Variants in ZMAT4 observed in about 807,000 individuals in gnomAD.
ZMAT4 encodes zinc finger matrin-type protein 4.
A neutral mutation model predicts 28.7 loss-of-function variants in ZMAT4; 17 were observed. That is an observed-to-expected ratio of 0.59 (90% confidence interval 0.41 to 0.89). The LOEUF is 0.89. ZMAT4 is among the 40% of genes least tolerant of loss of function. The pLI is 0.00. For missense variants in ZMAT4, 240 were observed against 283.8 expected, an observed-to-expected ratio of 0.85 and a Z score of 1.11; for synonymous variants, 117 against 109.2, an observed-to-expected ratio of 1.07 and a Z score of -0.44.
At chr8:40,563,684 A>G (rs374242893) in intron 6 of ZMAT4, among the ~76,000 whole-genome samples, 6 of 152,160 alleles carry the variant, frequency 3.9e-5, no homozygotes, top group African/African-American at 1.4e-4. Context: ...ATTATTCCAC[A>G]TGCATGATTC....
intron 3 of ZMAT4, among the ~76,000 whole-genome samples, chr8:40,726,112 G>A (rs1294245404): frequency 3.3e-5 from 5 of 152,154 alleles, no homozygotes; most frequent in Non-Finnish European, 7.3e-5. Flanking sequence ...AAATATGACA[G>A]GCTGGCACTT....
chr8:40,698,720 T>C (rs1810001515), intron 3 of ZMAT4, among the ~76,000 whole-genome samples: 1 of 152,236 alleles, frequency 6.6e-6, no homozygotes, highest in Non-Finnish European at 1.5e-5. Flanking sequence ...CCTTCCTCCT[T>C]AAGACATTAG....
intron 5 of ZMAT4, among the ~76,000 whole-genome samples, chr8:40,592,991 T>C (rs925637751): frequency 6.6e-6 from 1 of 152,212 alleles, no homozygotes; most frequent in African/African-American, 2.4e-5. Context: ...ATCTATTCCT[T>C]TGAAGTGTAC....
intron 2 of ZMAT4, among the ~76,000 whole-genome samples, chr8:40,811,656 C>T (rs1000467025): frequency 6.6e-6 from 1 of 152,066 alleles, no homozygotes; most frequent in Non-Finnish European, 1.5e-5. Context: ...AACTACCCAT[C>T]CCTGAAGGAA....
At chr8:40,650,336 T>C (rs1242298087) in intron 5 of ZMAT4, among the ~76,000 whole-genome samples, 2 of 149,934 alleles carry the variant, frequency 1.3e-5, no homozygotes. Flanking sequence ...AAGAAATGGA[T>C]AAATTCCTCG....
At chr8:40,645,871 A>C (rs1214324045) in intron 5 of ZMAT4, among the ~76,000 whole-genome samples, 1 of 152,140 alleles carries the variant, frequency 6.6e-6, no homozygotes, top group Admixed American at 6.5e-5. Context: ...AGTAATATGT[A>C]TATATAATGT....
chr8:40,679,502 C>T (rs1264224194), intron 4 of ZMAT4, among the ~76,000 whole-genome samples: 1 of 152,154 alleles, frequency 6.6e-6, no homozygotes, highest in Non-Finnish European at 1.5e-5. Flanking sequence ...ACACGTCCTT[C>T]TTCACATGGC....
chr8:40,780,851 CA>C (rs1237143089), intron 2 of ZMAT4, among the ~76,000 whole-genome samples: 1 of 152,138 alleles, frequency 6.6e-6, no homozygotes, highest in Non-Finnish European at 1.5e-5. Context: ...CCTCTCATGA[CA>C]AAAACACTCA....
At chr8:40,538,339 G>A (rs547304221) in intron 6 of ZMAT4, among the ~76,000 whole-genome samples, 12 of 152,110 alleles carry the variant, frequency 7.9e-5, no homozygotes, top group Middle Eastern at 3.4e-3. Flanking sequence ...GGAAGCCTCC[G>A]AACCCCGCTT....
chr8:40,576,200 G>A (rs1804257375), intron 6 of ZMAT4, among the ~76,000 whole-genome samples: 1 of 152,044 alleles, frequency 6.6e-6, no homozygotes, highest in South Asian at 2.1e-4. Context: ...TTTGTGCTAT[G>A]GGAGTTCAAG....
At chr8:40,817,530 G>T (rs971252239) in intron 2 of ZMAT4, among the ~76,000 whole-genome samples, 10 of 152,218 alleles carry the variant, frequency 6.6e-5, no homozygotes, top group Admixed American at 2.0e-4. Context: ...GTGTCGCCCT[G>T]CAGGATACTA....
At chr8:40,559,349 A>G (rs1803654218) in intron 6 of ZMAT4, among the ~76,000 whole-genome samples, 2 of 152,202 alleles carry the variant, frequency 1.3e-5, no homozygotes, top group South Asian at 4.1e-4. Context: ...CTCAAAGCGA[A>G]CATGGGACAC....
rs146968974 is a variant in ZMAT4, at chr8:40,875,972, A to C, written c.-5+21711T>G. Among the ~76,000 whole-genome samples the C allele has an allele frequency of 4.6e-5, 7 of 152,322 alleles. No homozygotes were observed. In the East Asian group the frequency reaches 1.3e-3, roughly 29 times the overall value. On this transcript the variant is annotated intron_variant, in intron 1 of 6. Transcript: ENST00000297737. Reference sequence around the variant, plus strand: ...AAATGGCTATTAACCCACTAGACCAAGGGTGGCGACAGGCTGTTCTCCACC... The same window carrying C: ...AAATGGCTATTAACCCACTAGACCACGGGTGGCGACAGGCTGTTCTCCACC...
chr8:40,587,986 G>C (rs1007171640), intron 5 of ZMAT4, among the ~76,000 whole-genome samples: 6 of 151,964 alleles, frequency 3.9e-5, no homozygotes, highest in Non-Finnish European at 8.8e-5. Context: ...GTCATGACAA[G>C]ATGTTTTTAC....
intron 5 of ZMAT4, among the ~76,000 whole-genome samples, chr8:40,647,777 C>G (rs936822510): frequency 3.0e-4 from 45 of 151,222 alleles, no homozygotes; most frequent in African/African-American, 1.1e-3. Context: ...CCCTGACCCC[C>G]GAGCAGCCTA....
intron 5 of ZMAT4, among the ~76,000 whole-genome samples, chr8:40,661,065 A>G (rs1035830696): frequency 2.8e-4 from 43 of 152,188 alleles, no homozygotes; most frequent in African/African-American, 1.0e-3. Context: ...GACAGTAAAC[A>G]GATACATCAA....
Position 40,667,049 on chromosome 8 carries a change from C to CAAAAGAAATG in ZMAT4, c.577+7645_577+7654dup, listed in dbSNP as rs148390119. The stretch of plus-strand genomic sequence containing the variant: ...CTGCACGCATGGCGCCATTTGTAGT[C>CAAAAGAAATG]AAAAGAAATGTAAAGAAATGTAAAG... On this transcript the variant is annotated intron_variant, in intron 5 of 6. Coordinates refer to ENST00000297737, the MANE Select transcript of ZMAT4 (RefSeq NM_024645.3). 4.7e-4 allele frequency among the ~76,000 whole-genome samples: 72 copies of CAAAAGAAATG among 151,810 alleles called. No homozygotes were observed. In the East Asian group the frequency reaches 0.014, roughly 29 times the overall value.
In ZMAT4 at chr8:40,788,400, T is replaced by C. The variant is rs1814174965; in HGVS notation, c.103-20670A>G. Reference sequence around the variant, plus strand: ...GAGATCGAGATCATCCTGGCTAACATGGCGAAACCCTGTCTCTACTAAAAA... The same window carrying C: ...GAGATCGAGATCATCCTGGCTAACACGGCGAAACCCTGTCTCTACTAAAAA... On this transcript the variant is annotated intron_variant, in intron 2 of 6. Transcript: ENST00000297737. Among the ~76,000 whole-genome samples the C allele has an allele frequency of 2.6e-5, 4 of 152,056 alleles. No individual in the cohort carries two copies. The South Asian group carries it at 8.3e-4, about 32-fold the overall frequency.
At chr8:40,575,073 G>A (rs1315574836) in intron 6 of ZMAT4, among the ~76,000 whole-genome samples, 1 of 152,144 alleles carries the variant, frequency 6.6e-6, no homozygotes, top group Non-Finnish European at 1.5e-5. Flanking sequence ...AAGCTCACAT[G>A]AGTGGCTGCA....
Sources: allele counts gnomAD v4.1 joint callset (sites outside exome capture counted in the v4.1 genomes callset), GRCh38; gene constraint gnomAD v4.1.1; transcripts MANE v1.5; gene names NCBI Gene and HGNC (gene_info 2026-07-23, HGNC 2026-07-21).